TSC22D2: variants seen among roughly 807,000 people sequenced by gnomAD.
The protein encoded by TSC22D2 is TSC22 domain family protein 2.
In TSC22D2, 5 loss-of-function variants were observed where a neutral mutation model predicts 50.1. That is an observed-to-expected ratio of 0.10 (90% CI 0.05 to 0.21). The LOEUF (loss-of-function observed/expected upper bound fraction) is 0.21, where lower values mean the gene tolerates loss of function less well. TSC22D2 is among the 10% of genes least tolerant of loss of function. TSC22D2 has a pLI of 1.00. For synonymous variants in TSC22D2, 501 were observed against 450.1 expected (o/e 1.11, Z -1.43); for missense variants, 1,003 against 1,015.5 (o/e 0.99, Z 0.17).
chr3:150,409,076 C>T lies in TSC22D2; in HGVS notation c.-275C>T. 5.9e-6 allele frequency: 2 copies of T among 340,994 alleles called. No individual in the cohort carries two copies. The highest frequency in any genetic ancestry group is 4.7e-5 in the East Asian group (1 of 21,436). 21.1% of individuals were successfully genotyped at this position (340,994 alleles called of 1,614,324 possible). On this transcript the variant is annotated 5_prime_UTR_variant, in exon 1 of 3. Transcript: ENST00000688009. The surrounding 1 kb of genome is among the most constrained non-coding windows in gnomAD (Gnocchi z 7.4). ...CGCCTCTGAGGGAATTGAATTGAGG[C>T]GCCGCGGCTGCGAGAGCTAAAAAGG... is the stretch of plus-strand genomic sequence containing the variant.
intron 1 of TSC22D2, among the ~76,000 whole-genome samples, chr3:150,432,665 A>G (rs1456382999): frequency 6.6e-6 from 1 of 152,036 alleles, no homozygotes; most frequent in Non-Finnish European, 1.5e-5. Context: ...GAACCAGGAT[A>G]AACATAGAAC....
chr3:150,458,324 C>G, intron 2 of TSC22D2, 52 bp from the exon 3 acceptor site: 1 of 1,568,466 alleles, frequency 6.4e-7, no homozygotes, highest in Non-Finnish European at 8.6e-7. Context: ...AACCAGATAG[C>G]ACCACCTTTA....
chr3:150,455,375 T>C (rs116827058), intron 1 of TSC22D2, among the ~76,000 whole-genome samples: 116 of 152,320 alleles, frequency 7.6e-4, no homozygotes, highest in African/African-American at 2.5e-3. Context: ...ATAAAGTATT[T>C]GTTAATGATC....
rs1049292248 is a variant in TSC22D2, at chr3:150,429,674, G to T, written c.1958+18366G>T. On this transcript the variant is annotated intron_variant, in intron 1 of 2. Transcript: ENST00000688009. ...ATTGGGATTTTAATGGAAGATGAAAGAAGCCACTTAAAACTGTTTGAAACT... is the reference window on the plus strand; with the variant it reads ...ATTGGGATTTTAATGGAAGATGAAATAAGCCACTTAAAACTGTTTGAAACT... 1.2e-4 allele frequency among the ~76,000 whole-genome samples: 18 copies of T among 152,148 alleles called. 1 individual carries two copies. The highest frequency in any genetic ancestry group is 2.9e-5 in the Non-Finnish European group (2 of 68,000).
intron 1 of TSC22D2, among the ~76,000 whole-genome samples, chr3:150,448,923 A>G (rs1328079230): frequency 1.1e-4 from 17 of 151,454 alleles, no homozygotes. Flanking sequence ...TTAATGTAAC[A>G]TTTTTATTGT....
intron 1 of TSC22D2, among the ~76,000 whole-genome samples, chr3:150,426,799 G>A (rs1720206468): frequency 6.6e-6 from 1 of 152,026 alleles, no homozygotes; most frequent in African/African-American, 2.4e-5. Flanking sequence ...AGTCTAGTAA[G>A]TTTATCCTAA....
At chr3:150,445,833 C>T (rs185488127) in intron 1 of TSC22D2, among the ~76,000 whole-genome samples, 1 of 152,256 alleles carries the variant, frequency 6.6e-6, no homozygotes, top group East Asian at 1.9e-4. Context: ...GCTAGCCTCA[C>T]GCCTGTAATT....
rs1576563995 is a variant in TSC22D2, at chr3:150,464,380, TA to T, written c.*5748del. 6.6e-6 allele frequency: 1 copy of T among 152,136 alleles called. No individual in the cohort carries two copies. Among genetic ancestry groups the T allele is most frequent in the East Asian group, 1.9e-4 (1 of 5,202 alleles). The allele number at this position is 152,136 out of a possible 1,614,324, so 9.4% of individuals were successfully genotyped here. Reference sequence around the variant, plus strand: ...AAACATGTATGACTTTGTAAAACCCTAAAAGTGATGTTTTCAAGAAATTTAG... The same window carrying T: ...AAACATGTATGACTTTGTAAAACCCTAAAGTGATGTTTTCAAGAAATTTAG... On this transcript the variant is annotated 3_prime_UTR_variant, in exon 3 of 3. Coordinates refer to ENST00000688009, the MANE Select transcript of TSC22D2 (RefSeq NM_001303264.2).
In TSC22D2 at chr3:150,412,448, C is replaced by T. The variant is rs1719626573; in HGVS notation, c.1958+1140C>T. 2.6e-5 allele frequency among the ~76,000 whole-genome samples: 4 copies of T among 152,282 alleles called. No homozygotes were observed. The South Asian group carries it at 8.3e-4, about 32-fold the overall frequency. On this transcript the variant is annotated intron_variant, in intron 1 of 2. Coordinates refer to ENST00000688009, the MANE Select transcript of TSC22D2 (RefSeq NM_001303264.2). Reference sequence around the variant, plus strand: ...ACAATGACATGTATGTTAAAGCTTTCTCTTCCTATGGTTTCTTCTGAGTTC... The same window carrying T: ...ACAATGACATGTATGTTAAAGCTTTTTCTTCCTATGGTTTCTTCTGAGTTC...
rs577870647 is a variant in TSC22D2 at position 150,411,128 on chromosome 3, A to G, written c.1778A>G (p.Asp593Gly). ...QTQPLVGQVD[D>G]TRRKSEPLPQ... ...CAGCCTTTAGTCGGGCAAGTCGACG[A>G]TACTAGAAGAAAATCAGAACCCCTA... The change falls in exon 1 of 3, where the codon GAT becomes GGT. Residue 593 changes from aspartate to glycine, a missense_variant. This residue lies in a region of TSC22D2 where 696 missense variants were observed against 647.8 expected (regional missense o/e 1.07). Coordinates refer to ENST00000688009, the MANE Select transcript of TSC22D2 (RefSeq NM_001303264.2). 2 of 1,614,148 alleles carry G rather than the reference A, an allele frequency of 1.2e-6. No individual in the cohort carries two copies. Among genetic ancestry groups the G allele is most frequent in the East Asian group, 2.2e-5 (1 of 44,876 alleles).
At chr3:150,452,271 C>A (rs1024982852) in intron 1 of TSC22D2, among the ~76,000 whole-genome samples, 1 of 152,026 alleles carries the variant, frequency 6.6e-6, no homozygotes, top group Non-Finnish European at 1.5e-5. Flanking sequence ...CATAGAGAAA[C>A]CCCGTCTCCA....
intron 1 of TSC22D2, among the ~76,000 whole-genome samples, chr3:150,431,066 A>C (rs1225353666): frequency 6.6e-6 from 1 of 151,838 alleles, no homozygotes; most frequent in Non-Finnish European, 1.5e-5. Flanking sequence ...CTCTACTAAA[A>C]ATACAAAAAT....
In TSC22D2 at chr3:150,410,224, C is replaced by T. The variant is rs770452952; in HGVS notation, c.874C>T (p.Leu292=). ...GGAVAQSSAP[L]PPFPGAATGP... is the part of the protein sequence containing the mutation. ...GGCTGTGGCTCAAAGCTCGGCTCCGCTGCCGCCGTTCCCGGGAGCCGCGAC... is the reference window on the plus strand; with the variant it reads ...GGCTGTGGCTCAAAGCTCGGCTCCGTTGCCGCCGTTCCCGGGAGCCGCGAC... The change falls in exon 1 of 3, where the codon CTG becomes TTG. Residue 292 remains leucine, a synonymous_variant. Coordinates refer to ENST00000688009, the MANE Select transcript of TSC22D2 (RefSeq NM_001303264.2). 1 of 1,574,340 alleles carries T rather than the reference C, an allele frequency of 6.4e-7. No individual in the cohort carries two copies. The highest frequency in any genetic ancestry group is 2.3e-5 in the East Asian group (1 of 42,694).
chr3:150,436,992 G>C (rs964041610), intron 1 of TSC22D2, among the ~76,000 whole-genome samples: 2 of 151,872 alleles, frequency 1.3e-5, no homozygotes, highest in African/African-American at 4.8e-5. Context: ...CCTCAGTAAG[G>C]GCCCTTTTCT....
intron 1 of TSC22D2, among the ~76,000 whole-genome samples, chr3:150,427,142 G>A (rs569464333): frequency 3.9e-4 from 60 of 152,200 alleles, no homozygotes; most frequent in African/African-American, 1.3e-3. Flanking sequence ...TAAAACTCAA[G>A]TTATGCAACT....
rs1481340855 is a variant in TSC22D2 at position 150,458,738 on chromosome 3, G to T, written c.*102G>T. The T allele has an allele frequency of 6.7e-7, 1 of 1,485,996 alleles. No homozygotes were observed. The highest frequency in any genetic ancestry group is 2.3e-5 in the East Asian group (1 of 43,394). 92.1% of individuals were successfully genotyped at this position (1,485,996 alleles called of 1,614,324 possible). On this transcript the variant is annotated 3_prime_UTR_variant, in exon 3 of 3. Transcript: ENST00000688009. The stretch of plus-strand genomic sequence containing the variant: ...TACGAAAGCAAGTAGCCATGCTTTG[G>T]TTGTGTGTTTGGCCTTTTCAGTATT...
chr3:150,409,311 A>C lies in TSC22D2; in HGVS notation c.-40A>C. ...CTCCCCGGTTTCCGACAGGACCCAG[A>C]GGAGCCGGCGTGCCTCTCTGCCCTC... is the stretch of plus-strand genomic sequence containing the variant. On this transcript the variant is annotated 5_prime_UTR_variant, in exon 1 of 3. Coordinates refer to ENST00000688009, the MANE Select transcript of TSC22D2 (RefSeq NM_001303264.2). This position sits in a 1 kb window ranked among gnomAD's most constrained non-coding sequence, Gnocchi z 7.4. The C allele has an allele frequency of 6.5e-7, 1 of 1,548,722 alleles. No individual in the cohort carries two copies. The highest frequency in any genetic ancestry group is 8.7e-7 in the Non-Finnish European group (1 of 1,143,186).
intron 1 of TSC22D2, among the ~76,000 whole-genome samples, chr3:150,426,610 A>G (rs1004162478): frequency 1.3e-5 from 2 of 152,214 alleles, no homozygotes; most frequent in Non-Finnish European, 2.9e-5. Context: ...CTCATCGATA[A>G]GCACTTGCAG....
At chr3:150,412,895 C>T (rs891113480) in intron 1 of TSC22D2, among the ~76,000 whole-genome samples, 5 of 152,120 alleles carry the variant, frequency 3.3e-5, no homozygotes, top group Non-Finnish European at 5.9e-5. Context: ...CAATTTTTTC[C>T]TGATAAGTTG....
Sources: gnomAD v4.1 joint callset for allele counts (sites outside exome capture counted in the v4.1 genomes callset) on GRCh38, gnomAD v4.1.1 for gene constraint, gnomAD v4.1.1 regional missense constraint, Gnocchi (gnomAD v3.1) non-coding constraint, MANE v1.5 for transcripts, NCBI Gene and HGNC (gene_info 2026-07-23, HGNC 2026-07-21) for gene names.